The following CADM2 variants were observed in gnomAD, a reference collection of about 807,000 sequenced individuals.
The protein encoded by CADM2 is cell adhesion molecule 2, also known as immunoglobulin superfamily member 4D.
CADM2 carries 12 observed loss-of-function variants against 49.8 expected under a neutral mutation model. The ratio of observed to expected loss-of-function variants is 0.24; its 90% CI spans 0.15 to 0.39. The LOEUF is 0.39. CADM2 is among the 10% of genes least tolerant of loss of function. The pLI is 1.00. For missense variants in CADM2, 378 were observed against 492.3 expected, an observed-to-expected ratio of 0.77 and a Z score of 2.20; for synonymous variants, 214 against 175.4, an observed-to-expected ratio of 1.22 and a Z score of -1.74.
Position 85,726,522 on chromosome 3 carries a change from C to A in CADM2, c.62C>A (p.Ala21Glu). The A allele has an allele frequency of 6.2e-7, 1 of 1,612,156 alleles. No homozygotes were observed. Among genetic ancestry groups the A allele is most frequent in the Non-Finnish European group, 8.5e-7 (1 of 1,178,780 alleles). The change falls in exon 2 of 10, where the codon GCG becomes GAG. Residue 21 changes from alanine (A) to glutamate (E), a missense_variant and splice_region_variant. Coordinates refer to ENST00000383699, the MANE Select transcript of CADM2 (RefSeq NM_001167675.2). Reference sequence around the variant, plus strand: ...TTGTGCAACCTTTCCTTGGTACCAGCGGCTGCTTCAAAGAATAAAGTTAAA... The same window carrying A: ...TTGTGCAACCTTTCCTTGGTACCAGAGGCTGCTTCAAAGAATAAAGTTAAA... ...FYSVCGLLLQ[A>E]AASKNKVKGS...
intron 8 of CADM2, among the ~76,000 whole-genome samples, chr3:85,975,592 T>C (rs1401744540): frequency 6.6e-6 from 1 of 151,654 alleles, no homozygotes; most frequent in Non-Finnish European, 1.5e-5. Flanking sequence ...CTCTTCACTC[T>C]TTATAACTTA....
At chr3:85,910,158 T>C (rs1717395337) in intron 5 of CADM2, among the ~76,000 whole-genome samples, 1 of 152,158 alleles carries the variant, frequency 6.6e-6, no homozygotes, top group Admixed American at 6.6e-5. Flanking sequence ...GAAGCAGATG[T>C]GTGAGTTCTT....
intron 2 of CADM2, among the ~76,000 whole-genome samples, chr3:85,732,697 A>T (rs992173153): frequency 6.6e-6 from 1 of 152,210 alleles, no homozygotes; most frequent in African/African-American, 2.4e-5. Flanking sequence ...TGTGTGAGAC[A>T]TTGTGCTAAG....
intron 1 of CADM2, among the ~76,000 whole-genome samples, chr3:85,521,654 G>C (rs2061028360): frequency 6.6e-6 from 1 of 152,144 alleles, no homozygotes; most frequent in South Asian, 2.1e-4. Flanking sequence ...GACACAATGG[G>C]CATTTAAGAT....
At chr3:85,960,655 CATTAATT>C (rs1459020911) in intron 7 of CADM2, among the ~76,000 whole-genome samples, 5 of 151,860 alleles carry the variant, frequency 3.3e-5, no homozygotes, top group Admixed American at 6.6e-5. Context: ...CTATTTCTAT[CATTAATT>C]ATTACAGAAG....
At chr3:85,307,440 A>G (rs536037218) in intron 1 of CADM2, among the ~76,000 whole-genome samples, 1 of 151,876 alleles carries the variant, frequency 6.6e-6, no homozygotes, top group Non-Finnish European at 1.5e-5. Context: ...TGCCTACTGG[A>G]ATATACCTTC....
intron 1 of CADM2, among the ~76,000 whole-genome samples, chr3:85,273,276 C>G (rs1215706892): frequency 6.6e-6 from 1 of 151,254 alleles, no homozygotes; most frequent in Non-Finnish European, 1.5e-5. Context: ...TTCTTACAGA[C>G]AGACCTCTGA....
At chr3:85,203,977 G>T (rs2041570824) in intron 1 of CADM2, among the ~76,000 whole-genome samples, 2 of 152,148 alleles carry the variant, frequency 1.3e-5, no homozygotes, top group African/African-American at 4.8e-5. Flanking sequence ...CCTATAAGAA[G>T]TTTTGATACT....
chr3:85,186,051 TA>T (rs2041053432), intron 1 of CADM2, among the ~76,000 whole-genome samples: 1 of 152,208 alleles, frequency 6.6e-6, no homozygotes, highest in Admixed American at 6.5e-5. Flanking sequence ...CGGAACTTGA[TA>T]TAGCACAAGT....
At chr3:86,013,227 A>G in intron 8 of CADM2, 1 of 1,432,690 alleles carries the variant, frequency 7.0e-7, no homozygotes, top group East Asian at 2.3e-5. Flanking sequence ...AGGAACAAAA[A>G]CATAAACCAA....
At chr3:85,321,129 T>TTC (rs2044598976) in intron 1 of CADM2, among the ~76,000 whole-genome samples, 1 of 11,620 alleles carries the variant, frequency 8.6e-5, no homozygotes, top group Non-Finnish European at 1.4e-4. Context: ...TTTTTTTTTT[T>TTC]TTTTTTTTTT....
chr3:85,720,237 T>C (rs948773250), intron 1 of CADM2, among the ~76,000 whole-genome samples: 3 of 152,212 alleles, frequency 2.0e-5, no homozygotes, highest in African/African-American at 4.8e-5. Flanking sequence ...TGTTGGACTT[T>C]GGAAGTTCAA....
chr3:85,558,508 A>G (rs879899657), intron 1 of CADM2, among the ~76,000 whole-genome samples: 8 of 152,076 alleles, frequency 5.3e-5, no homozygotes, highest in Admixed American at 6.6e-5. Flanking sequence ...TATGCAATAT[A>G]TAAGTTAAAT....
At chr3:85,574,374 G>A (rs150433096) in intron 1 of CADM2, among the ~76,000 whole-genome samples, 6 of 152,282 alleles carry the variant, frequency 3.9e-5, no homozygotes, top group African/African-American at 7.2e-5. Flanking sequence ...CTGCTAATGA[G>A]GATTTTAGTT....
At chr3:86,034,251 G>GGC (rs1734900680) in intron 8 of CADM2, among the ~76,000 whole-genome samples, 2 of 151,916 alleles carry the variant, frequency 1.3e-5, no homozygotes, top group Admixed American at 1.3e-4. Flanking sequence ...GACTGAGAAT[G>GGC]TGATATTTTG....
chr3:85,977,994 CTG>C (rs538311746), intron 8 of CADM2, among the ~76,000 whole-genome samples: 1 of 151,602 alleles, frequency 6.6e-6, no homozygotes, highest in Non-Finnish European at 1.5e-5. Context: ...AAGACTTTAA[CTG>C]AGAGAATGAC....
intron 1 of CADM2, among the ~76,000 whole-genome samples, chr3:85,544,525 G>A (rs1051611356): frequency 3.9e-5 from 6 of 151,966 alleles, no homozygotes; most frequent in Admixed American, 1.3e-4. Context: ...TGCAGTGAAC[G>A]GAGATCGCGC....
chr3:86,014,986 C>A, intron 8 of CADM2: 1 of 1,190,532 alleles, frequency 8.4e-7, no homozygotes, highest in Non-Finnish European at 1.2e-6. Flanking sequence ...GACCAAAGTT[C>A]GAGTAACTTG....
intron 1 of CADM2, among the ~76,000 whole-genome samples, chr3:85,313,534 C>A (rs969151573): frequency 6.6e-6 from 1 of 152,058 alleles, no homozygotes; most frequent in Non-Finnish European, 1.5e-5. Flanking sequence ...GCCAAATGTG[C>A]CTTTTTGATG....
Sources: allele counts gnomAD v4.1 joint callset (sites outside exome capture counted in the v4.1 genomes callset), GRCh38; gene constraint gnomAD v4.1.1; transcripts MANE v1.5; gene names NCBI Gene and HGNC (gene_info 2026-07-23, HGNC 2026-07-21).